The following CSMD2 variants were observed in gnomAD, a reference collection of about 807,000 sequenced individuals.
The protein encoded by CSMD2 is CUB and sushi domain-containing protein 2.
Under a neutral mutation model 398.5 loss-of-function variants are expected in CSMD2, and 130 were observed. That is an observed-to-expected ratio of 0.33 (90% CI 0.28 to 0.38). CSMD2 has a LOEUF of 0.38. CSMD2 is among the 10% of genes least tolerant of loss of function. The pLI is 1.00. For synonymous variants in CSMD2, 1,828 were observed against 1,908.5 expected, an observed-to-expected ratio of 0.96 and a Z score of 1.10; for missense variants, 3,829 against 4,764.9, an observed-to-expected ratio of 0.80 and a Z score of 5.78.
intron 5 of CSMD2, among the ~76,000 whole-genome samples, chr1:33,888,895 G>A (rs1004620770): frequency 2.0e-5 from 3 of 152,030 alleles, no homozygotes; most frequent in African/African-American, 7.2e-5. Flanking sequence ...AGCCTCCCTA[G>A]TAGCTGGGAC....
chr1:34,103,665 C>T (rs1054116034), intron 1 of CSMD2, among the ~76,000 whole-genome samples: 4 of 152,040 alleles, frequency 2.6e-5, no homozygotes, highest in Non-Finnish European at 4.4e-5. Context: ...ACACTCAGTA[C>T]ACATTTTTAA....
intron 12 of CSMD2, among the ~76,000 whole-genome samples, chr1:33,787,745 G>A (rs1467488172): frequency 6.6e-6 from 1 of 152,132 alleles, no homozygotes; most frequent in Non-Finnish European, 1.5e-5. Flanking sequence ...TGTAGGGACT[G>A]GCGTTAGCTG....
At chr1:33,594,663 T>G (rs1639719061) in intron 44 of CSMD2, among the ~76,000 whole-genome samples, 1 of 152,190 alleles carries the variant, frequency 6.6e-6, no homozygotes, top group African/African-American at 2.4e-5. Flanking sequence ...ATCTTCTATC[T>G]TCTCTCTACC....
intron 68 of CSMD2, among the ~76,000 whole-genome samples, chr1:33,520,822 G>A (rs1426436483): frequency 2.0e-5 from 3 of 152,126 alleles, no homozygotes; most frequent in South Asian, 2.1e-4. Flanking sequence ...ACGCACCTGC[G>A]GCTGCCTCCT....
At chr1:33,661,453 C>T (rs1161256398) in intron 26 of CSMD2, among the ~76,000 whole-genome samples, 2 of 152,124 alleles carry the variant, frequency 1.3e-5, no homozygotes, top group African/African-American at 4.8e-5. Flanking sequence ...TGTGGCCTAC[C>T]AGACATCTTT....
chr1:33,824,564 C>T (rs1177706349), intron 7 of CSMD2, among the ~76,000 whole-genome samples: 1 of 152,306 alleles, frequency 6.6e-6, no homozygotes, highest in Non-Finnish European at 1.5e-5. Flanking sequence ...CCCGGCCACA[C>T]ACATCGGCAC....
At chr1:33,674,896 T>C (rs975510170) in intron 25 of CSMD2, among the ~76,000 whole-genome samples, 4 of 152,236 alleles carry the variant, frequency 2.6e-5, no homozygotes, top group African/African-American at 9.6e-5. Flanking sequence ...AAAAAAGATG[T>C]TCTTTGAAAC....
chr1:33,633,144 GA>G lies in CSMD2; in HGVS notation c.5200+277del, dbSNP rs934331073. ...TGAAAATGCAATACATTTATAGTAA[GA>G]AAAAAAGTTGCATCTGAATACGAAC... On this transcript the variant is annotated intron_variant, in intron 32 of 70. Coordinates refer to ENST00000373381, the MANE Select transcript of CSMD2 (RefSeq NM_001281956.2). This position sits in a 1 kb window ranked among gnomAD's most constrained non-coding sequence, Gnocchi z 5.0. Among the ~76,000 whole-genome samples, 6 of 152,270 alleles carry G rather than the reference GA, an allele frequency of 3.9e-5. No individual in the cohort carries two copies. Among genetic ancestry groups the G allele is most frequent in the African/African-American group, 1.4e-4 (6 of 41,562 alleles).
intron 3 of CSMD2, among the ~76,000 whole-genome samples, chr1:33,941,359 GA>G: frequency 6.6e-6 from 1 of 152,128 alleles, no homozygotes; most frequent in Non-Finnish European, 1.5e-5. Flanking sequence ...ATGCTCTCTG[GA>G]CAAGCACCCT....
intron 44 of CSMD2, among the ~76,000 whole-genome samples, chr1:33,590,065 T>C (rs1376345121): frequency 1.3e-5 from 2 of 151,954 alleles, no homozygotes; most frequent in African/African-American, 4.8e-5. Context: ...AAATACAGCC[T>C]GGGTACTTTA....
chr1:33,636,780 C>G lies in CSMD2; in HGVS notation c.4775-226G>C, dbSNP rs977749780. Among the ~76,000 whole-genome samples the G allele has an allele frequency of 6.6e-6, 1 of 152,142 alleles. No homozygotes were observed. The highest frequency in any genetic ancestry group is 1.5e-5 in the Non-Finnish European group (1 of 68,038). On this transcript the variant is annotated intron_variant, in intron 29 of 70. Coordinates refer to ENST00000373381, the MANE Select transcript of CSMD2 (RefSeq NM_001281956.2). The surrounding 1 kb of genome is among the most constrained non-coding windows in gnomAD (Gnocchi z 4.8). ...AAGAGGGCAATTTCCCCTCCTCCCC[C>G]CATGTTCTTGCCTTGACCCACAGAG...
chr1:34,017,105 C>T (rs533662977), intron 3 of CSMD2, among the ~76,000 whole-genome samples: 1 of 152,306 alleles, frequency 6.6e-6, no homozygotes, highest in South Asian at 2.1e-4. Flanking sequence ...AGTATGTTAA[C>T]AGAATCCTTG....
intron 3 of CSMD2, among the ~76,000 whole-genome samples, chr1:33,956,027 AAC>A (rs993809619): frequency 2.0e-5 from 3 of 152,160 alleles, no homozygotes; most frequent in African/African-American, 7.2e-5. Context: ...TGCGGCAATT[AAC>A]ACACCAGATC....
chr1:34,125,793 C>T (rs1490384388), intron 1 of CSMD2, among the ~76,000 whole-genome samples: 3 of 152,156 alleles, frequency 2.0e-5, no homozygotes, highest in East Asian at 3.9e-4. Flanking sequence ...TCTCCCCCAG[C>T]CCCACTGTCT....
At chr1:33,831,540 C>T (rs573300650) in intron 6 of CSMD2, among the ~76,000 whole-genome samples, 1 of 151,856 alleles carries the variant, frequency 6.6e-6, no homozygotes, top group South Asian at 2.1e-4. Context: ...ACAAATGGTA[C>T]CAGCTGCTGC....
chr1:33,742,585 C>CCG (rs1557824962), intron 14 of CSMD2, among the ~76,000 whole-genome samples: 7 of 140,822 alleles, frequency 5.0e-5, no homozygotes, highest in Middle Eastern at 3.4e-3. Context: ...CTGCCCCCCC[C>CCG]CCCCCAACCC....
intron 5 of CSMD2, among the ~76,000 whole-genome samples, chr1:33,902,815 G>A (rs1335122364): frequency 6.6e-6 from 1 of 152,116 alleles, no homozygotes; most frequent in African/African-American, 2.4e-5. Context: ...CCTGAGAGTG[G>A]GAAGCCTGTT....
At chr1:33,759,547 G>A (rs940877062) in intron 13 of CSMD2, among the ~76,000 whole-genome samples, 3 of 151,828 alleles carry the variant, frequency 2.0e-5, no homozygotes, top group Admixed American at 6.6e-5. Context: ...GGATGGTCTC[G>A]ATCTCCTGAC....
intron 1 of CSMD2, among the ~76,000 whole-genome samples, chr1:34,150,920 T>TA (rs1475696275): frequency 7.9e-5 from 12 of 151,362 alleles, no homozygotes; most frequent in Non-Finnish European, 1.3e-4. Flanking sequence ...ACTCTGCCTA[T>TA]AAAAAAGATA....
Sources: allele counts gnomAD v4.1 joint callset (sites outside exome capture counted in the v4.1 genomes callset), GRCh38; gene constraint gnomAD v4.1.1; non-coding constraint Gnocchi (gnomAD v3.1); transcripts MANE v1.5; gene names NCBI Gene and HGNC (gene_info 2026-07-23, HGNC 2026-07-21).